MTPN: variants seen among roughly 807,000 people sequenced by gnomAD.
MTPN encodes granule cell differentiation protein.
A neutral mutation model predicts 13.5 loss-of-function variants in MTPN; 2 were observed. That is an observed-to-expected ratio of 0.15 (90% confidence interval 0.06 to 0.47). The LOEUF is 0.47. MTPN is among the 20% of genes least tolerant of loss of function. The probability of loss-of-function intolerance (pLI) is 0.97; values close to 1 mark genes in which losing one functional copy is unlikely to be tolerated. For synonymous variants in MTPN, 46 were observed against 51.7 expected (o/e 0.89, Z 0.48); for missense variants, 79 against 137.9 (o/e 0.57, Z 2.14).
chr7:135,945,435 A>G (rs1015680970), intron 3 of MTPN, among the ~76,000 whole-genome samples: 6 of 152,116 alleles, frequency 3.9e-5, no homozygotes, highest in African/African-American at 1.4e-4. Context: ...GTAGAAAAAT[A>G]TTTTCTTTTA....
chr7:135,965,910 T>C (rs777008158), intron 1 of MTPN, among the ~76,000 whole-genome samples: 22 of 152,092 alleles, frequency 1.4e-4, no homozygotes, highest in Non-Finnish European at 2.9e-4. Flanking sequence ...ACCAATTAAA[T>C]ACAAATGTAA....
intron 1 of MTPN, among the ~76,000 whole-genome samples, chr7:135,973,814 T>C (rs1799731958): frequency 6.6e-6 from 1 of 152,200 alleles, no homozygotes; most frequent in African/African-American, 2.4e-5. Context: ...TATAGATGCT[T>C]ACGTTTCCTG....
In MTPN at chr7:135,935,009, A is replaced by G. The variant is rs141175658; in HGVS notation, c.271-4997T>C. Among the ~76,000 whole-genome samples, 503 of 152,206 alleles carry G rather than the reference A, an allele frequency of 3.3e-3. 3 individuals carry two copies. Among genetic ancestry groups the G allele is most frequent in the African/African-American group, 0.012 (488 of 41,522 alleles). On this transcript the variant is annotated intron_variant, in intron 3 of 3. Transcript: ENST00000393085. Reference sequence around the variant, plus strand: ...AAGTTCCATAAATACCTTGAATTCAACCTCTCCCAAAATGAATCTGTAATC... The same window carrying G: ...AAGTTCCATAAATACCTTGAATTCAGCCTCTCCCAAAATGAATCTGTAATC...
intron 1 of MTPN, among the ~76,000 whole-genome samples, chr7:135,962,852 C>T (rs1034765847): frequency 1.3e-5 from 2 of 151,840 alleles, no homozygotes; most frequent in Non-Finnish European, 2.9e-5. Context: ...GTGAAATGGC[C>T]GACTCCTACA....
intron 1 of MTPN, among the ~76,000 whole-genome samples, chr7:135,957,164 T>A (rs1799453921): frequency 6.6e-6 from 1 of 152,234 alleles, no homozygotes; most frequent in African/African-American, 2.4e-5. Flanking sequence ...GTATATTCCA[T>A]ATATGTAATC....
At chr7:135,930,111 ATTAAAAATTCCTTTAC>A in intron 3 of MTPN, 99 bp from the exon 4 acceptor site, 1 of 1,049,800 alleles carries the variant, frequency 9.5e-7, no homozygotes, top group Non-Finnish European at 1.4e-6. Flanking sequence ...TACATCAAGA[ATTAAAAATTCCTTTAC>A]TAGTGGAGTC....
intron 3 of MTPN, among the ~76,000 whole-genome samples, chr7:135,930,452 T>A (rs140627111): frequency 4.6e-5 from 7 of 152,338 alleles, no homozygotes; most frequent in African/African-American, 1.7e-4. Context: ...ATTATATACA[T>A]CAAGAACAAA....
intron 1 of MTPN, among the ~76,000 whole-genome samples, chr7:135,972,260 C>CACACACACA (rs1554395914): frequency 1.2e-5 from 1 of 83,368 alleles, no homozygotes; most frequent in Non-Finnish European, 2.6e-5. Context: ...CACACACACA[C>CACACACACA]CCCATGTAGA....
chr7:135,972,231 G>GCGCGCGCGCGCACACACACACA (rs779296906), intron 1 of MTPN, among the ~76,000 whole-genome samples: 10 of 124,700 alleles, frequency 8.0e-5, no homozygotes, highest in African/African-American at 3.0e-4. Flanking sequence ...GCACGCGCGC[G>GCGCGCGCGCGCACACACACACA]CACACACACA....
chr7:135,977,341 G>C lies in MTPN; in HGVS notation c.-241C>G, dbSNP rs937046395. 8 of 562,030 alleles carry C rather than the reference G, an allele frequency of 1.4e-5. No homozygotes were observed. The highest frequency in any genetic ancestry group is 9.5e-5 in the African/African-American group (5 of 52,856). The allele number at this position is 562,030 out of a possible 1,614,324, so 34.8% of individuals were successfully genotyped here. On this transcript the variant is annotated 5_prime_UTR_variant, in exon 1 of 4. Transcript: ENST00000393085. ...GAGAGGTTCCGCCTGGCCGAGGAGA[G>C]GCAGGAACCTTTACACTTCCGGTTC...
rs374548023 is a variant in MTPN at position 135,950,801 on chromosome 7, A to C, written c.187-119T>G. 3 of 770,542 alleles carry C rather than the reference A, an allele frequency of 3.9e-6. No individual in the cohort carries two copies. The South Asian group carries it at 5.3e-5, about 14-fold the overall frequency. 47.7% of individuals were successfully genotyped at this position (770,542 alleles called of 1,614,324 possible). A position where few individuals can be genotyped will look rare whatever the true frequency, so the allele number is the denominator to read the frequency against. Reference sequence around the variant, plus strand: ...TGCCTTTCTAGAAAATCAATCAATCAATCAATCCACAGAGTCAAGTGTCTA... The same window carrying C: ...TGCCTTTCTAGAAAATCAATCAATCCATCAATCCACAGAGTCAAGTGTCTA... On this transcript the variant is annotated intron_variant, in intron 2 of 3. Coordinates refer to ENST00000393085, the MANE Select transcript of MTPN (RefSeq NM_145808.4).
At chr7:135,974,787 A>G (rs1799747753) in intron 1 of MTPN, among the ~76,000 whole-genome samples, 1 of 152,232 alleles carries the variant, frequency 6.6e-6, no homozygotes, top group South Asian at 2.1e-4. Context: ...TTGGTAGATG[A>G]AAAATGTGAG....
At chr7:135,959,008 A>G (rs565578408) in intron 1 of MTPN, among the ~76,000 whole-genome samples, 6 of 152,342 alleles carry the variant, frequency 3.9e-5, no homozygotes, top group African/African-American at 1.4e-4. Flanking sequence ...ACATATTTAT[A>G]AAATAAAATC....
At chr7:135,947,255 TG>T (rs1799299795) in intron 3 of MTPN, among the ~76,000 whole-genome samples, 1 of 152,136 alleles carries the variant, frequency 6.6e-6, no homozygotes, top group African/African-American at 2.4e-5. Flanking sequence ...ATTTGTTGCT[TG>T]GGGGTACTAG....
chr7:135,977,250 G>A lies in MTPN; in HGVS notation c.-150C>T. 2.7e-6 allele frequency: 2 copies of A among 752,922 alleles called. No individual in the cohort carries two copies. The allele number at this position is 752,922 out of a possible 1,614,324, so 46.6% of individuals were successfully genotyped here. A position where few individuals can be genotyped will look rare whatever the true frequency, so the allele number is the denominator to read the frequency against. Reference sequence around the variant, plus strand: ...AGGGTTAGGCTGCCAGGCGGGCGAGGCAGTTGGCCGCGGCGACCGTTCGGG... The same window carrying A: ...AGGGTTAGGCTGCCAGGCGGGCGAGACAGTTGGCCGCGGCGACCGTTCGGG... On this transcript the variant is annotated 5_prime_UTR_variant, in exon 1 of 4. Coordinates refer to ENST00000393085, the MANE Select transcript of MTPN (RefSeq NM_145808.4).
chr7:135,975,901 T>C (rs928494528), intron 1 of MTPN, among the ~76,000 whole-genome samples: 4 of 152,244 alleles, frequency 2.6e-5, no homozygotes, highest in Admixed American at 6.5e-5. Context: ...TGCACAATCC[T>C]GTAAGTTTTA....
rs1385816444 is a variant in MTPN at position 135,962,644 on chromosome 7, T to C, written c.73-11014A>G. 6.6e-5 allele frequency among the ~76,000 whole-genome samples: 10 copies of C among 152,114 alleles called. No individual in the cohort carries two copies. In the East Asian group the frequency reaches 1.9e-3, roughly 29 times the overall value. ...GGTTTTAATATGAAACATAAACATA[T>C]TAACAAATAAGCGGTATGTTTTTAG... On this transcript the variant is annotated intron_variant, in intron 1 of 3. Coordinates refer to ENST00000393085, the MANE Select transcript of MTPN (RefSeq NM_145808.4).
At chr7:135,931,995 T>G (rs1186678714) in intron 3 of MTPN, among the ~76,000 whole-genome samples, 1 of 152,152 alleles carries the variant, frequency 6.6e-6, no homozygotes, top group Non-Finnish European at 1.5e-5. Flanking sequence ...ACACAGTAAA[T>G]TGTTAACAAA....
intron 1 of MTPN, among the ~76,000 whole-genome samples, chr7:135,953,786 T>C (rs576016130): frequency 6.6e-6 from 1 of 152,216 alleles, no homozygotes; most frequent in South Asian, 2.1e-4. Context: ...AAGAGTTTCA[T>C]CAGAAAGCAT....
Sources: allele counts gnomAD v4.1 joint callset (sites outside exome capture counted in the v4.1 genomes callset), GRCh38; gene constraint gnomAD v4.1.1; transcripts MANE v1.5; gene names NCBI Gene and HGNC (gene_info 2026-07-23, HGNC 2026-07-21).